Variants in FLRT2 observed in about 807,000 individuals in gnomAD.
FLRT2 encodes leucine-rich repeat transmembrane protein FLRT2.
A neutral mutation model predicts 40.0 loss-of-function variants in FLRT2; 15 were observed. The observed-to-expected ratio is 0.38, with a 90% CI of 0.25 to 0.58. The LOEUF (loss-of-function observed/expected upper bound fraction) is 0.58, where lower values mean the gene tolerates loss of function less well. Ranked by LOEUF, FLRT2 falls within the 20% of genes least tolerant of loss-of-function variation. FLRT2 has a pLI of 0.71. For synonymous variants in FLRT2, 380 were observed against 336.8 expected, an observed-to-expected ratio of 1.13 and a Z score of -1.41; for missense variants, 726 against 840.0, an observed-to-expected ratio of 0.86 and a Z score of 1.68.
At chr14:85,588,024 C>T (rs912372036) in intron 1 of FLRT2, among the ~76,000 whole-genome samples, 12 of 151,964 alleles carry the variant, frequency 7.9e-5, no homozygotes, top group Non-Finnish European at 8.8e-5. Context: ...CTCGGCCTCC[C>T]GGGTTCATGC....
At chr14:85,540,839 T>C (rs1888945772) in intron 1 of FLRT2, among the ~76,000 whole-genome samples, 1 of 152,124 alleles carries the variant, frequency 6.6e-6, no homozygotes, top group South Asian at 2.1e-4. Context: ...CTGAATACCT[T>C]TTGTACTGGC....
intron 1 of FLRT2, among the ~76,000 whole-genome samples, chr14:85,605,594 C>A (rs1027815371): frequency 6.6e-6 from 1 of 152,020 alleles, no homozygotes; most frequent in Non-Finnish European, 1.5e-5. Flanking sequence ...CACGGTGAAA[C>A]CCCGTCTCTA....
Position 85,641,240 on chromosome 14 carries a change from T to C in FLRT2, c.*17743T>C, listed in dbSNP as rs575560793. On this transcript the variant is annotated 3_prime_UTR_variant, in exon 2 of 2. Coordinates refer to ENST00000330753, the MANE Select transcript of FLRT2 (RefSeq NM_013231.6). Reference sequence around the variant, plus strand: ...AGCTTTTTCCCTGGATATGGCTTATTGGTATTCATTATTCCCAATTCCTTC... The same window carrying C: ...AGCTTTTTCCCTGGATATGGCTTATCGGTATTCATTATTCCCAATTCCTTC... 2.0e-5 allele frequency: 3 copies of C among 152,368 alleles called. No individual in the cohort carries two copies. The highest frequency in any genetic ancestry group is 2.0e-4 in the Admixed American group (3 of 15,308). The allele number at this position is 152,368 out of a possible 1,614,324, so 9.4% of individuals were successfully genotyped here.
rs1894271895 is a variant in FLRT2 at position 85,645,331 on chromosome 14, T to C, written c.*21834T>C. On this transcript the variant is annotated 3_prime_UTR_variant, in exon 2 of 2. Transcript: ENST00000330753. ...ATATATACACATATAAATGTGTGCGTGTATATATATATGATTGGCTGAGTG... is the reference window on the plus strand; with the variant it reads ...ATATATACACATATAAATGTGTGCGCGTATATATATATGATTGGCTGAGTG... 6.6e-6 allele frequency: 1 copy of C among 151,660 alleles called. No homozygotes were observed. The highest frequency in any genetic ancestry group is 2.4e-5 in the African/African-American group (1 of 41,114). The allele number at this position is 151,660 out of a possible 1,614,324, so 9.4% of individuals were successfully genotyped here.
At chr14:85,567,390 T>C (rs1890672068) in intron 1 of FLRT2, among the ~76,000 whole-genome samples, 1 of 152,104 alleles carries the variant, frequency 6.6e-6, no homozygotes, top group Non-Finnish European at 1.5e-5. Context: ...GTTTGCAATG[T>C]GTGTGTGTGC....
chr14:85,556,800 C>A (rs907021511), intron 1 of FLRT2, among the ~76,000 whole-genome samples: 1 of 152,166 alleles, frequency 6.6e-6, no homozygotes, highest in Admixed American at 6.5e-5. Context: ...CTTGCTAGCA[C>A]AATTTCTGTA....
In FLRT2 at chr14:85,634,526, G is replaced by A. The variant is rs1182267064; in HGVS notation, c.*11029G>A. On this transcript the variant is annotated 3_prime_UTR_variant, in exon 2 of 2. Coordinates refer to ENST00000330753, the MANE Select transcript of FLRT2 (RefSeq NM_013231.6). ...GCCAATTATATCTAACAGCAACTGTGTCTATAAGACTGTAGCCTATTGGAT... is the reference window on the plus strand; with the variant it reads ...GCCAATTATATCTAACAGCAACTGTATCTATAAGACTGTAGCCTATTGGAT... 2 of 152,208 alleles carry A rather than the reference G, an allele frequency of 1.3e-5. No homozygotes were observed. The highest frequency in any genetic ancestry group is 4.8e-5 in the African/African-American group (2 of 41,448). 9.4% of individuals were successfully genotyped at this position (152,208 alleles called of 1,614,324 possible).
At position 85,641,378 on chromosome 14, in the gene FLRT2, A is replaced by G. The variant is rs1894144874; in HGVS notation, c.*17881A>G. On this transcript the variant is annotated 3_prime_UTR_variant, in exon 2 of 2. Transcript: ENST00000330753. ...TACAGGCACGTGTGCAGGATTTTCA[A>G]GGTAGAAGTGAAGTGGAAACTCTCT... The G allele has an allele frequency of 6.6e-6, 1 of 152,234 alleles. No homozygotes were observed. Among genetic ancestry groups the G allele is most frequent in the South Asian group, 2.1e-4 (1 of 4,834 alleles). The allele number at this position is 152,234 out of a possible 1,614,324, so 9.4% of individuals were successfully genotyped here.
At chr14:85,612,841 C>T (rs545731886) in intron 1 of FLRT2, among the ~76,000 whole-genome samples, 5 of 152,164 alleles carry the variant, frequency 3.3e-5, no homozygotes, top group Non-Finnish European at 7.3e-5. Flanking sequence ...AGATAACTCA[C>T]CTGGAAATAC....
chr14:85,531,785 T>C (rs1888296968), intron 1 of FLRT2, among the ~76,000 whole-genome samples: 1 of 152,166 alleles, frequency 6.6e-6, no homozygotes, highest in Non-Finnish European at 1.5e-5. Flanking sequence ...TATGTAAATG[T>C]AAGTCAACGC....
chr14:85,553,064 G>A (rs1248881446), intron 1 of FLRT2, among the ~76,000 whole-genome samples: 2 of 152,184 alleles, frequency 1.3e-5, no homozygotes, highest in Non-Finnish European at 2.9e-5. Flanking sequence ...TGAATAAGGT[G>A]GGGAATACCT....
rs139438489 is a variant in FLRT2, at chr14:85,640,095, G to A, written c.*16598G>A. 0.025 allele frequency: 3,755 copies of A among 152,170 alleles called. 85 individuals are homozygous for A. The highest frequency in any genetic ancestry group is 0.094 in the East Asian group (482 of 5,152). The allele number at this position is 152,170 out of a possible 1,614,324, so 9.4% of individuals were successfully genotyped here. On this transcript the variant is annotated 3_prime_UTR_variant, in exon 2 of 2. Transcript: ENST00000330753. ...GATTTCCTGACCTCGTGATCCGCCCGCCTCGGCCTCCCAAAGTGCTGGGAT... is the reference window on the plus strand; with the variant it reads ...GATTTCCTGACCTCGTGATCCGCCCACCTCGGCCTCCCAAAGTGCTGGGAT...
At position 85,636,169 on chromosome 14, in the gene FLRT2, G is replaced by T. The variant is rs906509791; in HGVS notation, c.*12672G>T. ...TTCTGTAAAGGGAATTTAATAAAAT[G>T]CAAGCAGATTAGTAAAATAATTTGT... On this transcript the variant is annotated 3_prime_UTR_variant, in exon 2 of 2. Transcript: ENST00000330753. 1 of 151,880 alleles carries T rather than the reference G, an allele frequency of 6.6e-6. No individual in the cohort carries two copies. The highest frequency in any genetic ancestry group is 1.5e-5 in the Non-Finnish European group (1 of 67,930). The allele number at this position is 151,880 out of a possible 1,614,324, so 9.4% of individuals were successfully genotyped here.
chr14:85,533,936 C>G (rs1380077373), intron 1 of FLRT2, among the ~76,000 whole-genome samples: 2 of 152,102 alleles, frequency 1.3e-5, no homozygotes, highest in African/African-American at 4.8e-5. Context: ...TGGGGGAGGG[C>G]GCGGCGCTGA....
At position 85,624,831 on chromosome 14, in the gene FLRT2, CA is replaced by C. The variant is rs1420696632; in HGVS notation, c.*1338del. ...TCTGTAAGGACACATCAAAGCTGGCCAAAATAATGAATTTTTTTTAAAAAGC... is the reference window on the plus strand; with the variant it reads ...TCTGTAAGGACACATCAAAGCTGGCCAAATAATGAATTTTTTTTAAAAAGC... On this transcript the variant is annotated 3_prime_UTR_variant, in exon 2 of 2. Transcript: ENST00000330753. The C allele has an allele frequency of 6.0e-6, 1 of 166,992 alleles. No homozygotes were observed. Among genetic ancestry groups the C allele is most frequent in the Non-Finnish European group, 1.5e-5 (1 of 68,110 alleles). The allele number at this position is 166,992 out of a possible 1,614,324, so 10.3% of individuals were successfully genotyped here. A position where few individuals can be genotyped will look rare whatever the true frequency, so the allele number is the denominator to read the frequency against.
intron 1 of FLRT2, among the ~76,000 whole-genome samples, chr14:85,579,642 TG>T (rs1891298176): frequency 6.6e-6 from 1 of 152,116 alleles, no homozygotes; most frequent in Non-Finnish European, 1.5e-5. Flanking sequence ...TCTTAGCCCA[TG>T]GGGTTGTTTT....
In FLRT2 at chr14:85,633,391, G is replaced by T. The variant is rs1475787070; in HGVS notation, c.*9894G>T. ...AATGTAGCATATATTCTATCTGGTTGCTAGAGTACACATAGATGTAGTTAT... is the reference window on the plus strand; with the variant it reads ...AATGTAGCATATATTCTATCTGGTTTCTAGAGTACACATAGATGTAGTTAT... On this transcript the variant is annotated 3_prime_UTR_variant, in exon 2 of 2. Transcript: ENST00000330753. 2.6e-5 allele frequency: 4 copies of T among 152,098 alleles called. No homozygotes were observed. The highest frequency in any genetic ancestry group is 1.5e-5 in the Non-Finnish European group (1 of 68,016). The allele number at this position is 152,098 out of a possible 1,614,324, so 9.4% of individuals were successfully genotyped here. A position where few individuals can be genotyped will look rare whatever the true frequency, so the allele number is the denominator to read the frequency against.
At chr14:85,562,289 C>T (rs1348156718) in intron 1 of FLRT2, among the ~76,000 whole-genome samples, 1 of 152,192 alleles carries the variant, frequency 6.6e-6, no homozygotes, top group African/African-American at 2.4e-5. Context: ...CAGACATAGA[C>T]ATTTCTGACA....
chr14:85,540,091 G>A (rs939428965), intron 1 of FLRT2, among the ~76,000 whole-genome samples: 5 of 152,132 alleles, frequency 3.3e-5, no homozygotes, highest in East Asian at 1.9e-4. Flanking sequence ...AATCATCAAT[G>A]TTTTCTGAAA....
Sources: gnomAD v4.1 joint callset for allele counts (sites outside exome capture counted in the v4.1 genomes callset) on GRCh38, gnomAD v4.1.1 for gene constraint, MANE v1.5 for transcripts, NCBI Gene and HGNC (gene_info 2026-07-23, HGNC 2026-07-21) for gene names.